The following MRPS9 variants were observed in gnomAD, a reference collection of about 807,000 sequenced individuals.
MRPS9 encodes the protein mitochondrial ribosomal protein S9.
Under a neutral mutation model 59.9 loss-of-function variants are expected in MRPS9, and 45 were observed. The observed-to-expected ratio is 0.75, with a 90% CI of 0.59 to 0.96. The LOEUF (loss-of-function observed/expected upper bound fraction) is 0.96. MRPS9 is among the 40% of genes least tolerant of loss of function. The probability of loss-of-function intolerance (pLI) is 0.00; values close to 1 mark genes in which losing one functional copy is unlikely to be tolerated. For synonymous variants in MRPS9, 171 were observed against 166.8 expected, an observed-to-expected ratio of 1.03 and a Z score of -0.19; for missense variants, 473 against 481.1, an observed-to-expected ratio of 0.98 and a Z score of 0.16.
intron 5 of MRPS9, among the ~76,000 whole-genome samples, chr2:105,084,090 A>T (rs1015351635): frequency 2.6e-5 from 4 of 152,142 alleles, no homozygotes; most frequent in Non-Finnish European, 4.4e-5. Context: ...CTTTAAGGAA[A>T]GGAAAGTATG....
intron 2 of MRPS9, among the ~76,000 whole-genome samples, chr2:105,066,342 G>A (rs1347115020): frequency 6.6e-6 from 1 of 152,062 alleles, no homozygotes; most frequent in African/African-American, 2.4e-5. Flanking sequence ...ATTTTTAAAG[G>A]CAAAGACACA....
chr2:105,042,718 A>G (rs1205522018), intron 1 of MRPS9, among the ~76,000 whole-genome samples: 1 of 152,222 alleles, frequency 6.6e-6, no homozygotes, highest in Non-Finnish European at 1.5e-5. Context: ...CATTATAGCA[A>G]CATTCTCACT....
chr2:105,088,109 CAAA>C (rs374505636), intron 5 of MRPS9, among the ~76,000 whole-genome samples: 9 of 88,280 alleles, frequency 1.0e-4, no homozygotes, highest in Non-Finnish European at 4.8e-5. Flanking sequence ...TCATGATTAG[CAAA>C]AAAAAAAAAA....
intron 5 of MRPS9, among the ~76,000 whole-genome samples, chr2:105,086,397 C>A (rs1395789453): frequency 6.6e-6 from 1 of 151,940 alleles, no homozygotes; most frequent in Non-Finnish European, 1.5e-5. Context: ...TATTATAGAT[C>A]TCAGTACAAC....
chr2:105,062,872 T>C (rs1201177329), intron 2 of MRPS9, among the ~76,000 whole-genome samples: 1 of 152,166 alleles, frequency 6.6e-6, no homozygotes, highest in Admixed American at 6.5e-5. Flanking sequence ...CTACTGGACA[T>C]GTTAGGATTG....
chr2:105,065,752 A>G (rs1679987681), intron 2 of MRPS9, among the ~76,000 whole-genome samples: 1 of 152,240 alleles, frequency 6.6e-6, no homozygotes, highest in East Asian at 1.9e-4. Context: ...CCCAAAACAT[A>G]TCTGTAGGCT....
chr2:105,053,090 A>G (rs1679740557), intron 2 of MRPS9, among the ~76,000 whole-genome samples: 1 of 152,192 alleles, frequency 6.6e-6, no homozygotes, highest in South Asian at 2.1e-4. Context: ...TTGGATGTAC[A>G]TGGGGCATAT....
At chr2:105,060,585 T>C (rs983460062) in intron 2 of MRPS9, among the ~76,000 whole-genome samples, 3 of 152,070 alleles carry the variant, frequency 2.0e-5, no homozygotes, top group Non-Finnish European at 4.4e-5. Flanking sequence ...CTGGCCGCTA[T>C]TGTGTGTTTT....
intron 2 of MRPS9, among the ~76,000 whole-genome samples, 187 bp from the exon 3 acceptor site, chr2:105,071,126 T>C (rs1439502350): frequency 6.6e-6 from 1 of 152,246 alleles, no homozygotes; most frequent in East Asian, 1.9e-4. Flanking sequence ...ATAACCAGTT[T>C]AATAGTTAAA....
At chr2:105,042,338 G>T (rs1354545911) in intron 1 of MRPS9, among the ~76,000 whole-genome samples, 1 of 152,256 alleles carries the variant, frequency 6.6e-6, no homozygotes, top group Admixed American at 6.5e-5. Context: ...CTTGCTGGCT[G>T]TTGGCCAGAG....
At chr2:105,056,083 C>G (rs545697824) in intron 2 of MRPS9, among the ~76,000 whole-genome samples, 20 of 152,114 alleles carry the variant, frequency 1.3e-4, no homozygotes, top group Admixed American at 2.6e-4. Context: ...GTAATGAAAA[C>G]TACTACCACA....
At chr2:105,086,457 GA>G (rs1427248266) in intron 5 of MRPS9, among the ~76,000 whole-genome samples, 1 of 152,150 alleles carries the variant, frequency 6.6e-6, no homozygotes, top group African/African-American at 2.4e-5. Context: ...TAAGGACTGA[GA>G]GTAAAAATTG....
intron 2 of MRPS9, among the ~76,000 whole-genome samples, chr2:105,056,991 C>T (rs942450409): frequency 6.6e-5 from 10 of 151,864 alleles, no homozygotes; most frequent in African/African-American, 2.4e-4. Context: ...AATTGGTGCT[C>T]GACCTTTTTA....
intron 7 of MRPS9, chr2:105,091,427 A>G (rs921315460): frequency 2.1e-6 from 1 of 470,636 alleles, no homozygotes; most frequent in African/African-American, 2.0e-5. Flanking sequence ...CCCACCCAAT[A>G]TCCTAGGTAG....
At chr2:105,079,359 G>A (rs1053436366) in intron 4 of MRPS9, among the ~76,000 whole-genome samples, 3 of 152,200 alleles carry the variant, frequency 2.0e-5, no homozygotes, top group Admixed American at 6.5e-5. Flanking sequence ...CATTCGTCTT[G>A]TTTCTTAGAC....
chr2:105,053,512 C>T (rs1679747059), intron 2 of MRPS9, among the ~76,000 whole-genome samples: 1 of 152,090 alleles, frequency 6.6e-6, no homozygotes, highest in Non-Finnish European at 1.5e-5. Flanking sequence ...AGATTTAAAA[C>T]AACCCTTTCA....
At chr2:105,042,242 G>A (rs112528038) in intron 1 of MRPS9, among the ~76,000 whole-genome samples, 1,708 of 152,326 alleles carry the variant, frequency 0.011, 34 homozygotes, top group African/African-American at 0.039. Context: ...CACTGTGGGT[G>A]GGGAGAGTCT....
intron 6 of MRPS9, among the ~76,000 whole-genome samples, 191 bp from the exon 7 acceptor site, chr2:105,089,729 A>G (rs1680520541): frequency 6.6e-6 from 1 of 152,222 alleles, no homozygotes; most frequent in East Asian, 1.9e-4. Flanking sequence ...TTGCTAGAGT[A>G]GATACCTTTT....
At chr2:105,061,673 G>A (rs935492668) in intron 2 of MRPS9, among the ~76,000 whole-genome samples, 3 of 152,154 alleles carry the variant, frequency 2.0e-5, no homozygotes, top group African/African-American at 7.2e-5. Context: ...TGATGGGGAA[G>A]AGTTATTCCA....
Sources: gnomAD v4.1 joint callset for allele counts (sites outside exome capture counted in the v4.1 genomes callset) on GRCh38, gnomAD v4.1.1 for gene constraint, MANE v1.5 for transcripts, NCBI Gene and HGNC (gene_info 2026-07-23, HGNC 2026-07-21) for gene names.